Variants in KIT observed in about 807,000 individuals in gnomAD.
KIT encodes mast/stem cell growth factor receptor Kit.
In KIT, 16 loss-of-function variants were observed where a neutral mutation model predicts 105.7. The ratio of observed to expected loss-of-function variants is 0.15; its 90% CI spans 0.10 to 0.23. The LOEUF is 0.23. Ranked by LOEUF, KIT falls within the 10% of genes least tolerant of loss-of-function variation. The probability of loss-of-function intolerance (pLI) is 1.00; values close to 1 mark genes in which losing one functional copy is unlikely to be tolerated. For synonymous variants in KIT, 438 were observed against 441.1 expected, an observed-to-expected ratio of 0.99 and a Z score of 0.09; for missense variants, 858 against 1,213.8, an observed-to-expected ratio of 0.71 and a Z score of 4.36.
In KIT at chr4:54,707,148, A is replaced by G. The variant is rs1720840263; in HGVS notation, c.976A>G (p.Asn326Asp). 6.3e-7 allele frequency: 1 copy of G among 1,581,102 alleles called. No individual in the cohort carries two copies. Among genetic ancestry groups the G allele is most frequent in the Non-Finnish European group, 8.7e-7 (1 of 1,150,146 alleles). Residue 326 changes from asparagine to aspartate, a missense_variant, in exon 6 of 21, where the codon AAC becomes GAC. By Grantham distance (23) the Asn-to-Asp change is conservative (BLOSUM62 1). Around this residue, in one of 7 missense-constraint regions of KIT, gnomAD observed 401 missense variants for 601.0 expected, o/e 0.67. Transcript: ENST00000288135. ...CATGATAAACACTACAGTATTTGTA[A>G]ACGATGGAGAAAATGTAGATTTGAT... ...FPMINTTVFV[N>D]DGENVDLIVE...
chr4:54,718,914 T>G (rs1424614314), intron 7 of KIT, among the ~76,000 whole-genome samples: 1 of 152,180 alleles, frequency 6.6e-6, no homozygotes, highest in African/African-American at 2.4e-5. Context: ...ATAAGTAAGG[T>G]TATTTTTCTA....
rs532469186 is a variant in KIT, at chr4:54,687,178, A to T, written c.68-8334A>T. On this transcript the variant is annotated intron_variant, in intron 1 of 20. Coordinates refer to ENST00000288135, the MANE Select transcript of KIT (RefSeq NM_000222.3). ...CACTGAGTGAAATCAACCTTCAAGA[A>T]GACTCATAATCAACTTTGGGAGGCC... Among the ~76,000 whole-genome samples the T allele has an allele frequency of 6.6e-5, 10 of 152,310 alleles. No individual in the cohort carries two copies. The East Asian group carries it at 1.9e-3, about 29-fold the overall frequency.
At chr4:54,729,838 TG>T (rs1252211828) in intron 14 of KIT, among the ~76,000 whole-genome samples, 7 of 152,188 alleles carry the variant, frequency 4.6e-5, no homozygotes, top group African/African-American at 1.7e-4. Context: ...AGTGAGATAC[TG>T]TTTATAGGGA....
In KIT at chr4:54,690,063, G is replaced by C. The variant is rs200613516; in HGVS notation, c.68-5449G>C. 1.0e-4 allele frequency among the ~76,000 whole-genome samples: 14 copies of C among 139,192 alleles called. No individual in the cohort carries two copies. In the East Asian group the frequency reaches 2.0e-3, roughly 20 times the overall value. 91.3% of individuals were successfully genotyped at this position (139,192 alleles called of 152,430 possible). Reference sequence around the variant, plus strand: ...AGAATGTTACTTTTTTTTTGTGGGGGGGGGGGGCTGTGTAATGTTCCATTG... The same window carrying C: ...AGAATGTTACTTTTTTTTTGTGGGGCGGGGGGGCTGTGTAATGTTCCATTG... On this transcript the variant is annotated intron_variant, in intron 1 of 20. Transcript: ENST00000288135.
chr4:54,666,254 AT>A (rs1317538598), intron 1 of KIT, among the ~76,000 whole-genome samples: 1 of 151,922 alleles, frequency 6.6e-6, no homozygotes, highest in Non-Finnish European at 1.5e-5. Flanking sequence ...GAAATTGAAA[AT>A]TTTTTTGTTT....
chr4:54,663,319 C>A (rs971894668), intron 1 of KIT, among the ~76,000 whole-genome samples: 2 of 152,158 alleles, frequency 1.3e-5, no homozygotes, highest in Non-Finnish European at 1.5e-5. Flanking sequence ...CCTTAAGCTT[C>A]ATTTCCTCAT....
intron 1 of KIT, among the ~76,000 whole-genome samples, chr4:54,679,544 G>A (rs1718755386): frequency 6.6e-6 from 1 of 152,138 alleles, no homozygotes; most frequent in Middle Eastern, 3.2e-3. Context: ...GGGATGGAGG[G>A]GAAGGTGCAA....
At position 54,737,281 on chromosome 4, in the gene KIT, G is replaced by A. The variant is rs1266805096; in HGVS notation, c.2802+1G>A. The stretch of plus-strand genomic sequence containing the variant: ...GCAGATTTCAGAGAGCACCAATCAT[G>A]TGAGTATACCCTGGCCAGGCATAGA... On this transcript the variant is annotated splice_donor_variant, in intron 20 of 20. Transcript: ENST00000288135. LOFTEE classifies it high-confidence loss of function. 6.3e-7 allele frequency: 1 copy of A among 1,590,876 alleles called. No individual in the cohort carries two copies. Among genetic ancestry groups the A allele is most frequent in the East Asian group, 2.2e-5 (1 of 44,764 alleles).
intron 2 of KIT, 186 bp downstream of exon 2, chr4:54,695,967 T>A (rs1332559379): frequency 1.5e-6 from 1 of 665,282 alleles, no homozygotes; most frequent in African/African-American, 1.8e-5. Flanking sequence ...GCTTTGGGTA[T>A]GGCCCCAGCT....
Position 54,698,311 on chromosome 4 carries a change from G to A in KIT, c.365G>A (p.Arg122His), listed in dbSNP as rs1720218851. 6.2e-7 allele frequency: 1 copy of A among 1,613,784 alleles called. No individual in the cohort carries two copies. The highest frequency in any genetic ancestry group is 1.3e-5 in the African/African-American group (1 of 75,030). ...RDPAKLFLVD[R>H]SLYGKEDNDT... ...CCTGCCAAGCTTTTCCTTGTTGACCGCTCCTTGTATGGGAAAGAAGACAAC... is the reference window on the plus strand; with the variant it reads ...CCTGCCAAGCTTTTCCTTGTTGACCACTCCTTGTATGGGAAAGAAGACAAC... The change falls in exon 3 of 21, where the codon CGC becomes CAC. Residue 122 changes from arginine (R) to histidine (H), a missense_variant. Physicochemically the swap from Arg to His is conservative, Grantham distance 29. Coordinates refer to ENST00000288135, the MANE Select transcript of KIT (RefSeq NM_000222.3).
chr4:54,722,867 A>G (rs928039697), intron 7 of KIT, among the ~76,000 whole-genome samples: 141 of 138,584 alleles, frequency 1.0e-3, no homozygotes, highest in Admixed American at 2.5e-3. Context: ...ATATATATGT[A>G]TATATATTTA....
At chr4:54,660,083 C>T (rs1410359617) in intron 1 of KIT, among the ~76,000 whole-genome samples, 2 of 152,182 alleles carry the variant, frequency 1.3e-5, no homozygotes, top group African/African-American at 4.8e-5. Context: ...CTCCAATGTT[C>T]TGAGTGTAGA....
At position 54,725,971 on chromosome 4, in the gene KIT, C is replaced by G. The variant is rs1048122979; in HGVS notation, c.1461C>G (p.Gly487=). ...SIDSSAFKHN[G]TVECKAYNDV... is the part of the protein sequence containing the mutation. ...ATTCTAGTGCATTCAAGCACAATGG[C>G]ACGGTTGAATGTAAGGCTTACAACG... The change falls in exon 9 of 21, where the codon GGC becomes GGG. Residue 487 remains glycine, a synonymous_variant. Transcript: ENST00000288135. The G allele has an allele frequency of 8.1e-6, 13 of 1,614,058 alleles. No homozygotes were observed. The highest frequency in any genetic ancestry group is 1.1e-5 in the Non-Finnish European group (13 of 1,179,940).
At position 54,707,223 on chromosome 4, in the gene KIT, A is replaced by G. The variant is rs1720845704; in HGVS notation, c.1051A>G (p.Met351Val). ...ACCTGAACACCAGCAGTGGATCTAT[A>G]TGAACAGAACCTTCACTGATAAATG... ...PKPEHQQWIY[M>V]NRTFTDKWED... The change falls in exon 6 of 21, where the codon ATG becomes GTG. Residue 351 changes from methionine to valine, a missense_variant. Met to Val is a conservative substitution (Grantham distance 21). Transcript: ENST00000288135. 6.2e-7 allele frequency: 1 copy of G among 1,612,358 alleles called. No homozygotes were observed. The highest frequency in any genetic ancestry group is 1.3e-5 in the African/African-American group (1 of 75,012).
chr4:54,717,123 A>G (rs1721551721), intron 7 of KIT, among the ~76,000 whole-genome samples: 6 of 152,300 alleles, frequency 3.9e-5, no homozygotes, highest in Middle Eastern at 6.8e-3. Flanking sequence ...TGACACTCTA[A>G]TATCTCTTTC....
intron 1 of KIT, among the ~76,000 whole-genome samples, chr4:54,671,556 C>G (rs1718111394): frequency 6.6e-6 from 1 of 152,058 alleles, no homozygotes; most frequent in South Asian, 2.1e-4. Context: ...TTTCACAATT[C>G]CTTTTATTTA....
At chr4:54,732,131 C>T in intron 16 of KIT, 133 bp downstream of exon 16, 1 of 1,023,344 alleles carries the variant, frequency 9.8e-7, no homozygotes, top group Non-Finnish European at 1.4e-6. Flanking sequence ...AGTGTGGTAA[C>T]CAAAAGCAGA....
At position 54,706,987 on chromosome 4, in the gene KIT, AT is replaced by A. The variant is rs1720829083; in HGVS notation, c.926-109del. On this transcript the variant is annotated intron_variant, in intron 5 of 20. Transcript: ENST00000288135. ...GCTAGTTAAAATTCTCTTATTGCCA[AT>A]TAATACTGGAAATCAACCAATTGTT... The A allele has an allele frequency of 6.0e-6, 4 of 669,904 alleles. No individual in the cohort carries two copies. The South Asian group carries it at 7.4e-5, about 12-fold the overall frequency. The allele number at this position is 669,904 out of a possible 1,614,324, so 41.5% of individuals were successfully genotyped here. A position where few individuals can be genotyped will look rare whatever the true frequency, so the allele number is the denominator to read the frequency against.
intron 5 of KIT, 67 bp downstream of exon 5, chr4:54,703,959 CT>C: frequency 8.1e-7 from 1 of 1,228,084 alleles, no homozygotes; most frequent in Non-Finnish European, 1.2e-6. Flanking sequence ...TAGACAGTTT[CT>C]TTTTTATGTA....
Sources: allele counts gnomAD v4.1 joint callset (sites outside exome capture counted in the v4.1 genomes callset), GRCh38; gene constraint gnomAD v4.1.1; regional missense constraint gnomAD v4.1.1; transcripts MANE v1.5; gene names NCBI Gene and HGNC (gene_info 2026-07-23, HGNC 2026-07-21).